The following HEG1 variants were observed in gnomAD, a reference collection of about 807,000 sequenced individuals.
The protein encoded by HEG1 is protein HEG homolog 1.
Under a neutral mutation model 125.6 loss-of-function variants are expected in HEG1, and 56 were observed. That is an observed-to-expected ratio of 0.45 (90% CI 0.36 to 0.56). HEG1 has a LOEUF of 0.56. Ranked by LOEUF, HEG1 falls within the 20% of genes least tolerant of loss-of-function variation. The pLI, the probability that HEG1 is intolerant of heterozygous loss-of-function variation, is 0.00. For synonymous variants in HEG1, 644 were observed against 668.5 expected (o/e 0.96, Z 0.57); for missense variants, 1,523 against 1,670.0 (o/e 0.91, Z 1.53).
chr3:125,024,601 T>G (rs1215832573), intron 3 of HEG1, among the ~76,000 whole-genome samples: 1 of 152,240 alleles, frequency 6.6e-6, no homozygotes, highest in East Asian at 1.9e-4. Context: ...GTTTCTGATC[T>G]CTTTTTAAAA....
At chr3:125,043,725 G>A (rs1447598260) in intron 1 of HEG1, among the ~76,000 whole-genome samples, 3 of 152,110 alleles carry the variant, frequency 2.0e-5, no homozygotes, top group South Asian at 2.1e-4. Flanking sequence ...GGGGTGGTGC[G>A]GGCCTTCCGG....
chr3:125,045,988 C>A (rs143382371), intron 1 of HEG1, among the ~76,000 whole-genome samples: 33 of 152,290 alleles, frequency 2.2e-4, no homozygotes, highest in African/African-American at 7.7e-4. Flanking sequence ...ATTATATTTG[C>A]TCCTCCTCAA....
At chr3:125,004,907 C>G (rs1219424648) in intron 9 of HEG1, among the ~76,000 whole-genome samples, 2 of 152,154 alleles carry the variant, frequency 1.3e-5, no homozygotes, top group Non-Finnish European at 2.9e-5. Context: ...AGTCACACAG[C>G]CTGTTAACAG....
At chr3:125,054,601 G>A (rs1280274228) in intron 1 of HEG1, among the ~76,000 whole-genome samples, 1 of 152,202 alleles carries the variant, frequency 6.6e-6, no homozygotes, top group East Asian at 1.9e-4. Flanking sequence ...AAGCAACCCA[G>A]CTTATTTGAA....
intron 1 of HEG1, 92 bp downstream of exon 1, chr3:125,055,483 G>T: frequency 1.1e-6 from 1 of 891,830 alleles, no homozygotes; most frequent in South Asian, 5.5e-5. Context: ...GTCGCGCCGC[G>T]CGGAGGGGCC....
Position 125,013,269 on chromosome 3 carries a change from G to C in HEG1, c.2310C>G (p.Leu770=). 1.2e-6 allele frequency: 2 copies of C among 1,613,990 alleles called. No homozygotes were observed. Among genetic ancestry groups the C allele is most frequent in the African/African-American group, 2.7e-5 (2 of 75,026 alleles). ...TAAGGTCTGCAGTTTGACTACTATG[G>C]AGCATTGTCATGAATGATGTCATTG... ...TSTMTSFMTM[L]HSSQTADLKS... The change falls in exon 6 of 17, where the codon CTC becomes CTG. Residue 770 remains leucine, a synonymous_variant. Transcript: ENST00000311127.
intron 11 of HEG1, among the ~76,000 whole-genome samples, chr3:124,999,656 A>C (rs1332905965): frequency 6.6e-6 from 1 of 152,238 alleles, no homozygotes; most frequent in Admixed American, 6.5e-5. Context: ...TCTGCAGTGG[A>C]GGAGTTGCTA....
chr3:124,985,210 C>G lies in HEG1; in HGVS notation c.3733+5577G>C, dbSNP rs1395601970. 2.6e-5 allele frequency among the ~76,000 whole-genome samples: 4 copies of G among 152,042 alleles called. No homozygotes were observed. The East Asian group carries it at 7.7e-4, about 29-fold the overall frequency. On this transcript the variant is annotated intron_variant, in intron 14 of 16. Coordinates refer to ENST00000311127, the MANE Select transcript of HEG1 (RefSeq NM_020733.2). ...GAAGTTGCTCATTTCCAATAAGCTCCAAGGTGACATGGATCCTGCTGGCCT... is the reference window on the plus strand; with the variant it reads ...GAAGTTGCTCATTTCCAATAAGCTCGAAGGTGACATGGATCCTGCTGGCCT...
intron 12 of HEG1, among the ~76,000 whole-genome samples, chr3:124,993,390 G>A (rs1218632329): frequency 6.6e-6 from 1 of 152,180 alleles, no homozygotes; most frequent in Non-Finnish European, 1.5e-5. Flanking sequence ...GGAGTAACGA[G>A]GCCCCATCTC....
rs572146526 is a variant in HEG1 at position 125,029,583 on chromosome 3, G to A, written c.317-95C>T. ...AGACACCGTGAAATACATCAGTAGA[G>A]AGTGAATTCAAGTAAAAGAATTTTG... On this transcript the variant is annotated intron_variant, in intron 1 of 16. Transcript: ENST00000311127. The A allele has an allele frequency of 2.4e-6, 3 of 1,240,670 alleles. No homozygotes were observed. The African/African-American group carries it at 4.5e-5, about 19-fold the overall frequency. The allele number at this position is 1,240,670 out of a possible 1,614,324, so 76.9% of individuals were successfully genotyped here.
chr3:125,016,813 G>A (rs1937255551), intron 5 of HEG1, among the ~76,000 whole-genome samples: 2 of 152,190 alleles, frequency 1.3e-5, no homozygotes. Flanking sequence ...TTTTGCTTTA[G>A]TCAGAATATA....
At chr3:125,045,150 T>C (rs888000172) in intron 1 of HEG1, among the ~76,000 whole-genome samples, 1 of 152,252 alleles carries the variant, frequency 6.6e-6, no homozygotes, top group Non-Finnish European at 1.5e-5. Context: ...TGTTACCTGT[T>C]GGTTTAAAGT....
chr3:124,987,952 C>CACACACACACACACATATAT lies in HEG1; in HGVS notation c.3733+2834_3733+2835insATATATGTGTGTGTGTGTGT. The stretch of plus-strand genomic sequence containing the variant: ...ACACACACACACACACACACACACA[C>CACACACACACACACATATAT]ATATATATATATATATATATATACC... On this transcript the variant is annotated intron_variant, in intron 14 of 16. Transcript: ENST00000311127. Among the ~76,000 whole-genome samples, 37 of 54,698 alleles carry CACACACACACACACATATAT rather than the reference C, an allele frequency of 6.8e-4. 1 individual carries two copies. Among genetic ancestry groups the CACACACACACACACATATAT allele is most frequent in the African/African-American group, 1.1e-3 (23 of 21,030 alleles). 35.9% of individuals were successfully genotyped at this position (54,698 alleles called of 152,430 possible).
chr3:125,012,888 A>C lies in HEG1; in HGVS notation c.2691T>G (p.Gly897=). 6.2e-7 allele frequency: 1 copy of C among 1,613,998 alleles called. No homozygotes were observed. The highest frequency in any genetic ancestry group is 8.5e-7 in the Non-Finnish European group (1 of 1,179,902). The change falls in exon 6 of 17, where the codon GGT becomes GGG. Residue 897 remains glycine, a synonymous_variant. Transcript: ENST00000311127. ...CTCGGTTCCTTTCTGTGCTGATGCC[A>C]CCTTCTGTTGAGATTTGAGGAACTA... is the stretch of plus-strand genomic sequence containing the variant. ...EILVPQISTE[G]GISTERNRVI... is the part of the protein sequence containing the mutation.
At chr3:125,047,974 T>C (rs1419196174) in intron 1 of HEG1, among the ~76,000 whole-genome samples, 1 of 152,168 alleles carries the variant, frequency 6.6e-6, no homozygotes, top group African/African-American at 2.4e-5. Flanking sequence ...TGTCAACTTA[T>C]CAAATCCATT....
At chr3:125,040,605 T>G (rs1430550086) in intron 1 of HEG1, among the ~76,000 whole-genome samples, 3 of 152,186 alleles carry the variant, frequency 2.0e-5, no homozygotes, top group Non-Finnish European at 4.4e-5. Context: ...TAACATTGTC[T>G]TAGATACCAG....
In HEG1 at chr3:125,010,455, C is replaced by A. The variant is rs956812480; in HGVS notation, c.3057G>T (p.Gly1019=). ...TTCTCTTACCCACACTGCAATCATC[C>A]CCTTGCCAGGAAGGCGGGCACCTGC... is the stretch of plus-strand genomic sequence containing the variant. ...YHCRCPPSWQ[G]DDCSVDVNEC... The change falls in exon 7 of 17, where the codon GGG becomes GGT. Residue 1019 remains glycine (G), a synonymous_variant. Transcript: ENST00000311127. The A allele has an allele frequency of 6.4e-7, 1 of 1,554,462 alleles. No individual in the cohort carries two copies. The highest frequency in any genetic ancestry group is 8.7e-7 in the Non-Finnish European group (1 of 1,148,134).
At chr3:125,023,373 C>T (rs1262503345) in intron 3 of HEG1, among the ~76,000 whole-genome samples, 2 of 152,156 alleles carry the variant, frequency 1.3e-5, no homozygotes, top group African/African-American at 4.8e-5. Flanking sequence ...GAAAGGAAAA[C>T]TGCTCTGTTT....
chr3:125,049,819 A>T (rs1216671987), intron 1 of HEG1, among the ~76,000 whole-genome samples: 1 of 152,198 alleles, frequency 6.6e-6, no homozygotes, highest in Admixed American at 6.5e-5. Context: ...GTGAGGGCAG[A>T]TATGTATGTG....
Sources: gnomAD v4.1 joint callset for allele counts (sites outside exome capture counted in the v4.1 genomes callset) on GRCh38, gnomAD v4.1.1 for gene constraint, MANE v1.5 for transcripts, NCBI Gene and HGNC (gene_info 2026-07-23, HGNC 2026-07-21) for gene names.